The following PPCS variants were observed in gnomAD, a reference collection of about 807,000 sequenced individuals.
PPCS encodes phosphopantothenate--cysteine ligase.
In PPCS, 17 loss-of-function variants were observed where a neutral mutation model predicts 24.6. That is an observed-to-expected ratio of 0.69 (90% confidence interval 0.47 to 1.04). The LOEUF (loss-of-function observed/expected upper bound fraction) is 1.04. PPCS is among the 50% of genes least tolerant of loss of function. The probability of loss-of-function intolerance (pLI) is 0.00; values close to 1 mark genes in which losing one functional copy is unlikely to be tolerated. For missense variants in PPCS, 360 were observed against 402.8 expected (o/e 0.89, Z 0.91); for synonymous variants, 190 against 168.3 (o/e 1.13, Z -1.00).
In PPCS at chr1:42,456,958, T is replaced by C. The variant is rs1177713853; in HGVS notation, c.393T>C (p.Ala131=). The C allele has an allele frequency of 1.9e-6, 3 of 1,604,672 alleles. No individual in the cohort carries two copies. The highest frequency in any genetic ancestry group is 2.7e-5 in the African/African-American group (2 of 74,920). The change falls in exon 1 of 3, where the codon GCT becomes GCC. Residue 131 remains alanine, a synonymous_variant. Transcript: ENST00000372561. ...EENALPGFAE[A]LRSYQEAAAA... is the part of the protein sequence containing the mutation. ...ATGCACTTCCGGGTTTTGCTGAGGCTCTGAGGAGCTACCAGGAGGCTGCGG... is the reference window on the plus strand; with the variant it reads ...ATGCACTTCCGGGTTTTGCTGAGGCCCTGAGGAGCTACCAGGAGGCTGCGG...
chr1:42,460,635 C>A lies in PPCS; in HGVS notation c.*709C>A, dbSNP rs1557779575. Reference sequence around the variant, plus strand: ...TCCACCTGGGACCAGGCAGGGGCCACTTGGTGATCTCTGTCCTGAGGGATG... The same window carrying A: ...TCCACCTGGGACCAGGCAGGGGCCAATTGGTGATCTCTGTCCTGAGGGATG... On this transcript the variant is annotated 3_prime_UTR_variant, in exon 3 of 3. Transcript: ENST00000372561. Among the ~76,000 whole-genome samples, 1 of 152,178 alleles carries A rather than the reference C, an allele frequency of 6.6e-6. No homozygotes were observed. Among genetic ancestry groups the A allele is most frequent in the Non-Finnish European group, 1.5e-5 (1 of 68,038 alleles).
At position 42,460,241 on chromosome 1, in the gene PPCS, C is replaced by T. The variant is rs564373566; in HGVS notation, c.*315C>T. ...TACTATAGAAAAAGGATTATGGATG[C>T]ATGAATGGTCATGCTTTGGAGATCA... On this transcript the variant is annotated 3_prime_UTR_variant, in exon 3 of 3. Transcript: ENST00000372561. 5.8e-6 allele frequency: 6 copies of T among 1,042,696 alleles called. No homozygotes were observed. The South Asian group carries it at 2.3e-4, about 41-fold the overall frequency. The allele number at this position is 1,042,696 out of a possible 1,614,324, so 64.6% of individuals were successfully genotyped here.
In PPCS at chr1:42,457,066, T is replaced by C. The variant is rs1643228512; in HGVS notation, c.501T>C (p.Asn167=). The change falls in exon 1 of 3, where the codon AAT becomes AAC. Residue 167 remains asparagine, a synonymous_variant. Coordinates refer to ENST00000372561, the MANE Select transcript of PPCS (RefSeq NM_024664.4). ...TGCAGGCTGCGGCCCAGGCACTCAA[T>C]CCGCTAGGTGCGTGCCCTAGGAGTA... ...HLLQAAAQAL[N]PLGPSAMFYL... 1 of 1,595,884 alleles carries C rather than the reference T, an allele frequency of 6.3e-7. No homozygotes were observed. The highest frequency in any genetic ancestry group is 1.3e-5 in the African/African-American group (1 of 74,856).
At position 42,457,093 on chromosome 1, in the gene PPCS, C is replaced by T. The variant is rs752695934; in HGVS notation, c.508+20C>T. On this transcript the variant is annotated intron_variant, in intron 1 of 2. Transcript: ENST00000372561. Reference sequence around the variant, plus strand: ...CGCTAGGTGCGTGCCCTAGGAGTACCCCTTTTGCCTGGAAGCACAGCCTTT... The same window carrying T: ...CGCTAGGTGCGTGCCCTAGGAGTACTCCTTTTGCCTGGAAGCACAGCCTTT... 12 of 1,579,318 alleles carry T rather than the reference C, an allele frequency of 7.6e-6. No individual in the cohort carries two copies. The South Asian group carries it at 1.4e-4, about 18-fold the overall frequency.
intron 2 of PPCS, among the ~76,000 whole-genome samples, chr1:42,458,939 C>G (rs2148420259): frequency 6.6e-6 from 1 of 152,302 alleles, no homozygotes; most frequent in East Asian, 1.9e-4. Context: ...AAAAACCCAA[C>G]TTTATTTAGG....
At chr1:42,465,645 G>A (rs1643553878), downstream of PPCS, among the ~76,000 whole-genome samples, 1 of 152,178 alleles carries the variant, frequency 6.6e-6, no homozygotes. Flanking sequence ...GATTACAAGT[G>A]TGAGCCACGG....
At chr1:42,465,640 C>A (rs576528932), downstream of PPCS, among the ~76,000 whole-genome samples, 4 of 152,308 alleles carry the variant, frequency 2.6e-5, no homozygotes, top group African/African-American at 7.2e-5. Flanking sequence ...GCTGGGATTA[C>A]AAGTGTGAGC....
intron 1 of PPCS, 81 bp downstream of exon 1, chr1:42,457,154 C>G (rs1051691838): frequency 1.3e-6 from 2 of 1,593,848 alleles, no homozygotes; most frequent in Admixed American, 3.4e-5. Context: ...TCCTGCTTAC[C>G]CACGGATCTC....
chr1:42,456,452 A>G, upstream of PPCS: 1 of 1,132,806 alleles, frequency 8.8e-7, no homozygotes, highest in Admixed American at 3.3e-5. Flanking sequence ...TAGTGTCAAA[A>G]GAAGGGTAGT....
chr1:42,457,377 C>T (rs1272944901), intron 2 of PPCS, 27 bp downstream of exon 2: 2 of 1,581,246 alleles, frequency 1.3e-6, no homozygotes, highest in South Asian at 2.2e-5. Flanking sequence ...TTCCAGAGAT[C>T]TAATCCCATA....
At chr1:42,469,890 A>G (rs962273856) in intron 2 of PPCS, among the ~76,000 whole-genome samples, 1 of 152,224 alleles carries the variant, frequency 6.6e-6, no homozygotes, top group Non-Finnish European at 1.5e-5. Context: ...TGAGTGAAAT[A>G]GTAACAGAAA....
chr1:42,456,419 C>A, upstream of PPCS: 1 of 892,170 alleles, frequency 1.1e-6, no homozygotes, highest in Non-Finnish European at 1.6e-6. Context: ...CTACGCATTT[C>A]CAGACTTGGC....
At position 42,471,292 on chromosome 1, in the gene PPCS, C is replaced by T. The variant is rs113924167; in HGVS notation, n.378-1830C>T. Among the ~76,000 whole-genome samples, 906 of 152,234 alleles carry T rather than the reference C, an allele frequency of 6.0e-3. 6 individuals are homozygous for T. Among genetic ancestry groups the T allele is most frequent in the African/African-American group, 0.02 (846 of 41,534 alleles). ...TTAACATCCTCCAACCTTAGACTCC[C>T]CTACTCCACCCCTACAGCATGGGGA... is the stretch of plus-strand genomic sequence containing the variant. On this transcript the variant is annotated intron_variant and non_coding_transcript_variant, in intron 2 of 2. Transcript: ENST00000471420.
In PPCS at chr1:42,460,069, ATT is replaced by A. The variant is rs1368963500; in HGVS notation, c.*145_*146del. 3 of 1,409,350 alleles carry A rather than the reference ATT, an allele frequency of 2.1e-6. No homozygotes were observed. The highest frequency in any genetic ancestry group is 2.8e-6 in the Non-Finnish European group (3 of 1,086,420). 87.3% of individuals were successfully genotyped at this position (1,409,350 alleles called of 1,614,324 possible). ...GGTGTGTAGGCAAATATGGTTTGGCATTTGTCTTTTAATGACACCTGATATGA... is the reference window on the plus strand; with the variant it reads ...GGTGTGTAGGCAAATATGGTTTGGCATGTCTTTTAATGACACCTGATATGA... On this transcript the variant is annotated 3_prime_UTR_variant, in exon 3 of 3. Transcript: ENST00000372561.
chr1:42,459,505 G>A, intron 2 of PPCS, 98 bp from the exon 3 acceptor site: 1 of 1,058,588 alleles, frequency 9.4e-7, no homozygotes, highest in Non-Finnish European at 1.4e-6. Context: ...TGATGGTTGA[G>A]AAATCCCACT....
At chr1:42,461,700 C>G (rs534017098), downstream of PPCS, among the ~76,000 whole-genome samples, 6 of 152,128 alleles carry the variant, frequency 3.9e-5, no homozygotes, top group African/African-American at 7.2e-5. Flanking sequence ...GCGCCCGCCA[C>G]CACGCCCAGC....
At position 42,456,788 on chromosome 1, in the gene PPCS, G is replaced by T. The variant is rs1643207459; in HGVS notation, c.223G>T (p.Ala75Ser). 1.2e-6 allele frequency: 2 copies of T among 1,613,120 alleles called. No homozygotes were observed. The highest frequency in any genetic ancestry group is 4.5e-5 in the East Asian group (2 of 44,872). Residue 75 changes from alanine to serine, a missense_variant, in exon 1 of 3, where the codon GCC (alanine) becomes TCC (serine). By Grantham distance (99) the Ala-to-Ser change is moderately conservative. Around this residue, in one of 2 missense-constraint regions of PPCS, gnomAD observed 244 missense variants for 234.7 expected, o/e 1.04. Transcript: ENST00000372561. Reference protein sequence around the residue: ...RGATSAEAFLAAGYGVLFLYR... With the variant: ...RGATSAEAFLSAGYGVLFLYR... ...TGCAACCTCGGCCGAGGCCTTCCTA[G>T]CCGCCGGCTACGGGGTCCTGTTCTT... is the stretch of plus-strand genomic sequence containing the variant.
rs1643380067 is a variant in PPCS at position 42,460,444 on chromosome 1, TATA to T, written c.*519_*521del. The T allele has an allele frequency of 1.1e-6, 1 of 928,976 alleles. No individual in the cohort carries two copies. Among genetic ancestry groups the T allele is most frequent in the Non-Finnish European group, 1.3e-6 (1 of 778,084 alleles). The allele number at this position is 928,976 out of a possible 1,614,324, so 57.5% of individuals were successfully genotyped here. Reference sequence around the variant, plus strand: ...TTTGTTTTGTTTGAAATTTATCAAATATAGTAGTAGGAAAGAAGGATACCTCCC... The same window carrying T: ...TTTGTTTTGTTTGAAATTTATCAAATGTAGTAGGAAAGAAGGATACCTCCC... On this transcript the variant is annotated 3_prime_UTR_variant, in exon 3 of 3. Coordinates refer to ENST00000372561, the MANE Select transcript of PPCS (RefSeq NM_024664.4).
chr1:42,457,205 G>A, intron 1 of PPCS, 42 bp from the exon 2 acceptor site: 3 of 1,612,324 alleles, frequency 1.9e-6, no homozygotes, highest in South Asian at 1.1e-5. Flanking sequence ...ATCCTATATC[G>A]TACCTCGCCG....
Sources: gnomAD v4.1 joint callset for allele counts (sites outside exome capture counted in the v4.1 genomes callset) on GRCh38, gnomAD v4.1.1 for gene constraint, gnomAD v4.1.1 regional missense constraint, MANE v1.5 for transcripts, NCBI Gene and HGNC (gene_info 2026-07-23, HGNC 2026-07-21) for gene names.